Variants in GRM8 observed in about 807,000 individuals in gnomAD.
GRM8 encodes the protein metabotropic glutamate receptor 8.
Under a neutral mutation model 87.2 loss-of-function variants are expected in GRM8, and 47 were observed. The observed-to-expected ratio is 0.54, with a 90% CI of 0.43 to 0.69. The LOEUF is 0.69. Ranked by LOEUF, GRM8 falls within the 30% of genes least tolerant of loss-of-function variation. GRM8 has a pLI of 0.00. For synonymous variants in GRM8, 396 were observed against 404.5 expected (o/e 0.98, Z 0.25); for missense variants, 1,019 against 1,139.2 (o/e 0.89, Z 1.52).
intron 3 of GRM8, among the ~76,000 whole-genome samples, chr7:127,056,620 C>G (rs541800689): frequency 2.3e-4 from 35 of 152,264 alleles, no homozygotes; most frequent in Non-Finnish European, 3.8e-4. Flanking sequence ...CCGGCAAAAT[C>G]TAAAAATAGC....
chr7:127,015,835 C>T (rs1002690524), intron 3 of GRM8, among the ~76,000 whole-genome samples: 1 of 152,038 alleles, frequency 6.6e-6, no homozygotes, highest in South Asian at 2.1e-4. Flanking sequence ...TAAGCCCAAC[C>T]AGCTGAAAGA....
chr7:127,224,187 T>G (rs939589658), intron 2 of GRM8, among the ~76,000 whole-genome samples: 1 of 152,108 alleles, frequency 6.6e-6, no homozygotes, highest in Non-Finnish European at 1.5e-5. Flanking sequence ...TTTCCAAAGT[T>G]GGCAAAAGAC....
At chr7:127,097,124 A>C (rs949785343) in intron 3 of GRM8, among the ~76,000 whole-genome samples, 1 of 152,160 alleles carries the variant, frequency 6.6e-6, no homozygotes, top group Non-Finnish European at 1.5e-5. Context: ...GATAGAAAAG[A>C]TTGACAGAGA....
intron 9 of GRM8, among the ~76,000 whole-genome samples, chr7:126,496,477 AT>A (rs941533803): frequency 6.6e-5 from 10 of 151,970 alleles, no homozygotes; most frequent in African/African-American, 2.4e-4. Flanking sequence ...AAGTTCTCAG[AT>A]TTTTTTGAGC....
chr7:126,657,763 C>T (rs530556376), intron 7 of GRM8, among the ~76,000 whole-genome samples: 2 of 152,026 alleles, frequency 1.3e-5, no homozygotes, highest in African/African-American at 2.4e-5. Context: ...CCTTTGAATT[C>T]AGTTGTTTAA....
rs192171679 is a variant in GRM8, at chr7:126,721,793, C to A, written c.1357+48072G>T. Reference sequence around the variant, plus strand: ...CGAAAACTTCCTCTAAGTCTCTCTACCCCATTCTCCAACTTTGCAAGGAAC... The same window carrying A: ...CGAAAACTTCCTCTAAGTCTCTCTAACCCATTCTCCAACTTTGCAAGGAAC... On this transcript the variant is annotated intron_variant, in intron 7 of 10. Coordinates refer to ENST00000339582, the MANE Select transcript of GRM8 (RefSeq NM_000845.3). 1.0e-3 allele frequency among the ~76,000 whole-genome samples: 153 copies of A among 152,146 alleles called. 2 individuals carry two copies. Among genetic ancestry groups the A allele is most frequent in the South Asian group, 8.1e-3 (39 of 4,822 alleles).
At chr7:127,205,471 A>T (rs921623326) in intron 2 of GRM8, among the ~76,000 whole-genome samples, 1 of 151,906 alleles carries the variant, frequency 6.6e-6, no homozygotes, top group Admixed American at 6.6e-5. Context: ...CCAACCACTC[A>T]TTTTCCTCCA....
At chr7:126,903,735 GTA>G (rs562391613) in intron 5 of GRM8, among the ~76,000 whole-genome samples, 2,287 of 125,212 alleles carry the variant, frequency 0.018, 154 homozygotes, top group African/African-American at 0.065. Context: ...ATGTATATGT[GTA>G]TATATATATG....
chr7:126,539,988 A>G (rs1816348407), intron 8 of GRM8, among the ~76,000 whole-genome samples: 1 of 152,116 alleles, frequency 6.6e-6, no homozygotes, highest in African/African-American at 2.4e-5. Flanking sequence ...GTCAAGAGAC[A>G]CCACCAAGAT....
chr7:126,778,192 G>T lies in GRM8; in HGVS notation c.1157-8127C>A, dbSNP rs117664674. On this transcript the variant is annotated intron_variant, in intron 6 of 10. Transcript: ENST00000339582. ...AAGGGTCCTTTGCTGAAAATCACCTGCTATCTTCTTCTGTAATTTAAATGT... is the reference window on the plus strand; with the variant it reads ...AAGGGTCCTTTGCTGAAAATCACCTTCTATCTTCTTCTGTAATTTAAATGT... Among the ~76,000 whole-genome samples the T allele has an allele frequency of 8.4e-3, 1,283 of 152,216 alleles. 5 individuals are homozygous for T. The highest frequency in any genetic ancestry group is 0.013 in the Non-Finnish European group (896 of 67,994).
At chr7:127,223,707 C>T (rs576811266) in intron 2 of GRM8, among the ~76,000 whole-genome samples, 1 of 151,992 alleles carries the variant, frequency 6.6e-6, no homozygotes, top group Non-Finnish European at 1.5e-5. Flanking sequence ...CCATTCCAAC[C>T]GTGGGAGTGG....
Position 126,769,945 on chromosome 7 carries a change from C to A in GRM8, c.1277G>T (p.Gly426Val). The A allele has an allele frequency of 6.2e-7, 1 of 1,612,754 alleles. No individual in the cohort carries two copies. Among genetic ancestry groups the A allele is most frequent in the Non-Finnish European group, 8.5e-7 (1 of 1,178,982 alleles). Residue 426 changes from glycine to valine, a missense_variant, in exon 7 of 11, where the codon GGA (glycine) becomes GTA (valine). By Grantham distance (109) the Gly-to-Val change is moderately radical. Transcript: ENST00000339582. ...CATTCGTGGACAAAGGCCAATGTAT[C>A]CAGGGCAGAGATCTTTGTGCATATT... ...LHNMHKDLCP[G>V]YIGLCPRMST...
chr7:126,708,211 A>G (rs970834564), intron 7 of GRM8, among the ~76,000 whole-genome samples: 5 of 152,240 alleles, frequency 3.3e-5, no homozygotes, highest in African/African-American at 1.2e-4. Flanking sequence ...TAGAATATCT[A>G]TTATCAAAAA....
intron 7 of GRM8, among the ~76,000 whole-genome samples, chr7:126,767,431 G>A (rs10275507): frequency 0.049 from 7,402 of 152,102 alleles, 621 homozygotes; most frequent in African/African-American, 0.17. Flanking sequence ...TGTCAAAGTC[G>A]CATATGACAC....
intron 9 of GRM8, among the ~76,000 whole-genome samples, chr7:126,484,065 A>G (rs1807065690): frequency 6.6e-6 from 1 of 152,066 alleles, no homozygotes; most frequent in African/African-American, 2.4e-5. Flanking sequence ...CAATTTATAA[A>G]GCATTTAGTT....
chr7:126,465,096 T>C (rs761487480), intron 9 of GRM8: 7 of 151,740 alleles, frequency 4.6e-5, no homozygotes, highest in African/African-American at 4.8e-5. Flanking sequence ...CAACCCTCCA[T>C]TGTGACCATT....
chr7:127,035,647 C>A (rs1387640686), intron 3 of GRM8, among the ~76,000 whole-genome samples: 2 of 152,212 alleles, frequency 1.3e-5, no homozygotes. Flanking sequence ...CATCAGACTC[C>A]ACATAGTGTG....
chr7:127,198,073 AT>A (rs1195611430), intron 2 of GRM8, among the ~76,000 whole-genome samples: 1 of 152,152 alleles, frequency 6.6e-6, no homozygotes, highest in African/African-American at 2.4e-5. Flanking sequence ...TTTAACCAAT[AT>A]TCATACTTTT....
chr7:127,186,688 G>T (rs746219168), intron 2 of GRM8, among the ~76,000 whole-genome samples: 1 of 152,118 alleles, frequency 6.6e-6, no homozygotes, highest in African/African-American at 2.4e-5. Context: ...AGCATAAAAC[G>T]TGTACAAAGA....
Sources: allele counts gnomAD v4.1 joint callset (sites outside exome capture counted in the v4.1 genomes callset), GRCh38; gene constraint gnomAD v4.1.1; transcripts MANE v1.5; gene names NCBI Gene and HGNC (gene_info 2026-07-23, HGNC 2026-07-21).